The following CADM2 variants were observed in gnomAD, a reference collection of about 807,000 sequenced individuals.
CADM2 encodes the protein immunoglobulin superfamily member 4D.
CADM2 carries 12 observed loss-of-function variants against 49.8 expected under a neutral mutation model. The ratio of observed to expected loss-of-function variants is 0.24; its 90% CI spans 0.15 to 0.39. The LOEUF (loss-of-function observed/expected upper bound fraction) is 0.39. Ranked by LOEUF, CADM2 falls within the 10% of genes least tolerant of loss-of-function variation. CADM2 has a pLI of 1.00. For missense variants in CADM2, 378 were observed against 492.3 expected (o/e 0.77, Z 2.20); for synonymous variants, 214 against 175.4 (o/e 1.22, Z -1.74).
intron 1 of CADM2, among the ~76,000 whole-genome samples, chr3:85,529,237 A>G (rs2061240942): frequency 6.6e-6 from 1 of 152,228 alleles, no homozygotes; most frequent in Admixed American, 6.5e-5. Context: ...CTAGCTGACT[A>G]GAAAGGTATT....
intron 1 of CADM2, among the ~76,000 whole-genome samples, chr3:85,675,343 A>T (rs1485477770): frequency 1.3e-5 from 2 of 152,228 alleles, no homozygotes; most frequent in African/African-American, 4.8e-5. Context: ...TTCAAATATT[A>T]AACCTCTTTC....
At chr3:85,760,407 T>C (rs1159576863) in intron 2 of CADM2, among the ~76,000 whole-genome samples, 1 of 152,126 alleles carries the variant, frequency 6.6e-6, no homozygotes, top group Non-Finnish European at 1.5e-5. Context: ...CTTTTGTACG[T>C]TGATGACATT....
chr3:85,225,085 C>T (rs2042126715), intron 1 of CADM2, among the ~76,000 whole-genome samples: 1 of 152,244 alleles, frequency 6.6e-6, no homozygotes, highest in East Asian at 1.9e-4. Flanking sequence ...GCTATGCTCG[C>T]TCTTTTTTGG....
intron 1 of CADM2, among the ~76,000 whole-genome samples, chr3:85,583,571 G>C (rs1246822485): frequency 6.6e-6 from 1 of 152,048 alleles, no homozygotes; most frequent in Non-Finnish European, 1.5e-5. Context: ...CTAGATGGTT[G>C]AAACTAAACT....
chr3:85,069,859 GATT>G (rs978352252), intron 1 of CADM2, among the ~76,000 whole-genome samples: 5 of 152,084 alleles, frequency 3.3e-5, no homozygotes, highest in African/African-American at 1.2e-4. Context: ...AAGCTGATGT[GATT>G]ATCTTAAATT....
At position 85,005,120 on chromosome 3, in the gene CADM2, G is replaced by A. The variant is rs116212822; in HGVS notation, c.61+45452G>A. ...TGCCCTTGGTAAATAGCAATAATAG[G>A]ACATCTAACTTGTACCACTCTCTCA... On this transcript the variant is annotated intron_variant, in intron 1 of 9. Coordinates refer to ENST00000383699, the MANE Select transcript of CADM2 (RefSeq NM_001167675.2). 6.3e-3 allele frequency among the ~76,000 whole-genome samples: 963 copies of A among 152,148 alleles called. 15 individuals are homozygous for A. The highest frequency in any genetic ancestry group is 0.022 in the African/African-American group (921 of 41,520).
chr3:85,349,663 C>T (rs1262814739), intron 1 of CADM2, among the ~76,000 whole-genome samples: 1 of 152,168 alleles, frequency 6.6e-6, no homozygotes, highest in Non-Finnish European at 1.5e-5. Flanking sequence ...CAAAGACTTA[C>T]TCTGCAGATA....
intron 1 of CADM2, among the ~76,000 whole-genome samples, chr3:85,230,074 T>G (rs766293989): frequency 2.0e-5 from 3 of 152,194 alleles, no homozygotes; most frequent in Non-Finnish European, 4.4e-5. Flanking sequence ...TGACTGGCAC[T>G]GGCAGGAATT....
intron 1 of CADM2, among the ~76,000 whole-genome samples, chr3:85,424,154 T>C (rs2036293765): frequency 6.6e-6 from 1 of 152,130 alleles, no homozygotes; most frequent in Admixed American, 6.5e-5. Context: ...TCTATTTCTA[T>C]AGAGAAATTT....
intron 5 of CADM2, among the ~76,000 whole-genome samples, chr3:85,905,438 C>T (rs1034747904): frequency 3.9e-5 from 6 of 152,124 alleles, no homozygotes; most frequent in African/African-American, 1.4e-4. Flanking sequence ...TGACATGGAA[C>T]GAATCTACTT....
intron 1 of CADM2, among the ~76,000 whole-genome samples, chr3:85,345,058 C>T (rs1018422566): frequency 4.0e-5 from 6 of 151,710 alleles, no homozygotes; most frequent in African/African-American, 1.5e-4. Flanking sequence ...GGGCTCATGC[C>T]GTAATCCAGC....
At chr3:85,596,808 C>T (rs1235702904) in intron 1 of CADM2, among the ~76,000 whole-genome samples, 2 of 152,056 alleles carry the variant, frequency 1.3e-5, no homozygotes, top group Admixed American at 1.3e-4. Context: ...CCTCTGCTTC[C>T]CAAGTTCAAG....
intron 1 of CADM2, among the ~76,000 whole-genome samples, chr3:85,614,029 CTTGTAAGAATGT>C (rs2063739761): frequency 6.6e-6 from 1 of 151,414 alleles, no homozygotes; most frequent in Non-Finnish European, 1.5e-5. Flanking sequence ...GAGTGATGTA[CTTGTAAGAATGT>C]TTGTTGCAAA....
At chr3:85,497,846 A>G (rs1330213898) in intron 1 of CADM2, among the ~76,000 whole-genome samples, 3 of 151,846 alleles carry the variant, frequency 2.0e-5, no homozygotes, top group Admixed American at 6.6e-5. Context: ...CTATCTATCT[A>G]TCCATTTATC....
At chr3:85,813,464 C>T (rs7620168) in intron 3 of CADM2, among the ~76,000 whole-genome samples, 37,379 of 151,918 alleles carry the variant, frequency 0.25, 5,453 homozygotes, top group African/African-American at 0.39. Flanking sequence ...GTCAGAAGGA[C>T]AGATTGCAAA....
At chr3:84,982,016 CTT>C (rs2032209940) in intron 1 of CADM2, among the ~76,000 whole-genome samples, 1 of 152,128 alleles carries the variant, frequency 6.6e-6, no homozygotes. Flanking sequence ...TAAACTGTGT[CTT>C]TTAAATAATC....
At chr3:85,737,042 T>C (rs571235792) in intron 2 of CADM2, among the ~76,000 whole-genome samples, 1 of 152,330 alleles carries the variant, frequency 6.6e-6, no homozygotes, top group South Asian at 2.1e-4. Context: ...ATTTAAAACA[T>C]TTTGTTATTC....
chr3:86,053,585 T>G (rs893847723), intron 8 of CADM2, among the ~76,000 whole-genome samples: 1 of 152,104 alleles, frequency 6.6e-6, no homozygotes, highest in Non-Finnish European at 1.5e-5. Context: ...CAGGCATCCA[T>G]AAGCCAAACA....
chr3:85,929,999 A>G (rs551730934), intron 6 of CADM2, among the ~76,000 whole-genome samples: 1 of 152,012 alleles, frequency 6.6e-6, no homozygotes, highest in African/African-American at 2.4e-5. Flanking sequence ...TAATAACCTC[A>G]TTACTGTAGT....
Sources: allele counts gnomAD v4.1 joint callset (sites outside exome capture counted in the v4.1 genomes callset), GRCh38; gene constraint gnomAD v4.1.1; transcripts MANE v1.5; gene names NCBI Gene and HGNC (gene_info 2026-07-23, HGNC 2026-07-21).